DENND5B: variants seen among roughly 807,000 people sequenced by gnomAD.
DENND5B encodes DENN domain containing 5B, also known as DENN domain-containing protein 5B.
In DENND5B, 34 loss-of-function variants were observed where a neutral mutation model predicts 140.6. The observed-to-expected ratio is 0.24, with a 90% CI of 0.18 to 0.32. The LOEUF (loss-of-function observed/expected upper bound fraction) is 0.32, where lower values mean the gene tolerates loss of function less well. Among genes scored for constraint, DENND5B ranks in the 10% least tolerant of loss-of-function variants. The pLI is 1.00. For synonymous variants in DENND5B, 551 were observed against 562.1 expected (o/e 0.98, Z 0.28); for missense variants, 1,142 against 1,560.2 (o/e 0.73, Z 4.52).
intron 5 of DENND5B, among the ~76,000 whole-genome samples, chr12:31,448,786 G>A (rs1944384906): frequency 6.6e-6 from 1 of 152,156 alleles, no homozygotes; most frequent in Non-Finnish European, 1.5e-5. Context: ...TGAAGCCGGA[G>A]GATCCTGTGA....
Position 31,480,208 on chromosome 12 carries a change from T to G in DENND5B, c.285A>C (p.Lys95Asn). 6.3e-7 allele frequency: 1 copy of G among 1,599,986 alleles called. No homozygotes were observed. The highest frequency in any genetic ancestry group is 2.2e-5 in the East Asian group (1 of 44,608). Residue 95 changes from lysine to asparagine, a missense_variant, in exon 3 of 21, where the codon AAA becomes AAC. By Grantham distance (94) the Lys-to-Asn change is moderately conservative (BLOSUM62 0). Around this residue, in one of 5 missense-constraint regions of DENND5B, gnomAD observed 708 missense variants for 905.5 expected, o/e 0.78. Coordinates refer to ENST00000389082, the MANE Select transcript of DENND5B (RefSeq NM_144973.4). ...GLSFRTQTDN[K>N]DPQFHSFIIT... ...TTATAAATGAGTGAAACTGGGGGTC[T>G]TTATTGTCCGTTTGTGTCCTGAAAG... is the stretch of plus-strand genomic sequence containing the variant.
intron 17 of DENND5B, among the ~76,000 whole-genome samples, chr12:31,393,242 G>C (rs1941246614): frequency 6.6e-6 from 1 of 152,174 alleles, no homozygotes; most frequent in African/African-American, 2.4e-5. Context: ...CCTGTCAGTG[G>C]GCATAGATTA....
At chr12:31,587,862 T>A (rs1256684846) in intron 1 of DENND5B, among the ~76,000 whole-genome samples, 2 of 152,190 alleles carry the variant, frequency 1.3e-5, no homozygotes, top group Admixed American at 6.5e-5. Flanking sequence ...CCTCAAATAC[T>A]GAAAGAGCTC....
At chr12:31,401,252 A>G (rs1941780247) in intron 15 of DENND5B, among the ~76,000 whole-genome samples, 1 of 152,212 alleles carries the variant, frequency 6.6e-6, no homozygotes, top group Non-Finnish European at 1.5e-5. Context: ...GCAGAGATGG[A>G]AAGAAGTAGG....
At position 31,550,108 on chromosome 12, in the gene DENND5B, C is replaced by T. The variant is rs563693903; in HGVS notation, c.127+40598G>A. Among the ~76,000 whole-genome samples the T allele has an allele frequency of 2.2e-3, 337 of 151,294 alleles. 2 individuals are homozygous for T. Among genetic ancestry groups the T allele is most frequent in the Admixed American group, 3.8e-3 (57 of 15,150 alleles). ...CTTTAAGTTTTAGGGTACATGTGCA[C>T]AATGTGCAAGTTTCTTACATATGTA... is the stretch of plus-strand genomic sequence containing the variant. On this transcript the variant is annotated intron_variant, in intron 1 of 20. Transcript: ENST00000389082.
chr12:31,526,272 ATTT>A, intron 1 of DENND5B, among the ~76,000 whole-genome samples: 1 of 152,260 alleles, frequency 6.6e-6, no homozygotes, highest in Non-Finnish European at 1.5e-5. Context: ...AAATATTTAC[ATTT>A]ACCCATTAAA....
At chr12:31,510,506 C>A (rs528609152) in intron 1 of DENND5B, among the ~76,000 whole-genome samples, 33 of 152,106 alleles carry the variant, frequency 2.2e-4, no homozygotes, top group Non-Finnish European at 1.5e-5. Flanking sequence ...AAGCACACTG[C>A]GGTTATTGCT....
intron 1 of DENND5B, among the ~76,000 whole-genome samples, chr12:31,562,830 C>T (rs1294002840): frequency 1.3e-5 from 2 of 152,086 alleles, no homozygotes; most frequent in East Asian, 3.8e-4. Flanking sequence ...CTAATTCTGT[C>T]CAACTCATTT....
In DENND5B at chr12:31,460,063, T is replaced by C. The variant is rs76191714; in HGVS notation, c.1092+131A>G. 20 of 865,236 alleles carry C rather than the reference T, an allele frequency of 2.3e-5. No homozygotes were observed. In the South Asian group the frequency reaches 3.6e-4, roughly 16 times the overall value. 53.6% of individuals were successfully genotyped at this position (865,236 alleles called of 1,614,324 possible). A position where few individuals can be genotyped will look rare whatever the true frequency, so the allele number is the denominator to read the frequency against. The stretch of plus-strand genomic sequence containing the variant: ...GCATTCTATAGCTCAGGCTCTCCCC[T>C]AGCCATACTTGGAGATTTAGGAGAG... On this transcript the variant is annotated intron_variant, in intron 4 of 20. Coordinates refer to ENST00000389082, the MANE Select transcript of DENND5B (RefSeq NM_144973.4).
At chr12:31,566,338 CTGTGTGTGTGTGTG>C (rs6144677) in intron 1 of DENND5B, among the ~76,000 whole-genome samples, 5 of 148,488 alleles carry the variant, frequency 3.4e-5, no homozygotes, top group Non-Finnish European at 6.0e-5. Flanking sequence ...CTCTTAAAAA[CTGTGTGTGTGTGTG>C]TGTGTGTGTG....
rs971489775 is a variant in DENND5B at position 31,554,020 on chromosome 12, T to A, written c.127+36686A>T. On this transcript the variant is annotated intron_variant, in intron 1 of 20. Coordinates refer to ENST00000389082, the MANE Select transcript of DENND5B (RefSeq NM_144973.4). The stretch of plus-strand genomic sequence containing the variant: ...GATGGGTCTTGACTCTTTATCCAAT[T>A]TGCCAGTCTGTGTCTTTTAATTGGA... Among the ~76,000 whole-genome samples the A allele has an allele frequency of 1.4e-3, 214 of 152,318 alleles. 3 individuals are homozygous for A. The highest frequency in any genetic ancestry group is 5.0e-3 in the African/African-American group (207 of 41,578).
chr12:31,440,231 A>AGGTT (rs999722636), intron 7 of DENND5B, among the ~76,000 whole-genome samples: 3 of 151,934 alleles, frequency 2.0e-5, no homozygotes, highest in African/African-American at 7.3e-5. Context: ...CCTATGCTGG[A>AGGTT]GGTTATTCAC....
At chr12:31,388,516 G>C (rs1940961986) in intron 20 of DENND5B, among the ~76,000 whole-genome samples, 1 of 152,066 alleles carries the variant, frequency 6.6e-6, no homozygotes, top group Admixed American at 6.6e-5. Flanking sequence ...GATCAAACCT[G>C]ACATTAGTAA....
Position 31,581,880 on chromosome 12 carries a change from G to A in DENND5B, c.127+8826C>T, listed in dbSNP as rs11051471. ...ATGCTCAAGCCCCTTACATAAAATC[G>A]TGTAGTACGTACAGATAACATACGC... On this transcript the variant is annotated intron_variant, in intron 1 of 20. Transcript: ENST00000389082. Among the ~76,000 whole-genome samples, 577 of 152,110 alleles carry A rather than the reference G, an allele frequency of 3.8e-3. 5 individuals carry two copies. The highest frequency in any genetic ancestry group is 0.013 in the African/African-American group (539 of 41,480).
intron 2 of DENND5B, among the ~76,000 whole-genome samples, chr12:31,494,181 TATCCATCCATCC>T (rs140870680): frequency 4.2e-4 from 36 of 85,778 alleles, no homozygotes; most frequent in East Asian, 8.5e-4. Flanking sequence ...TCTATCTATC[TATCCATCCATCC>T]ATCCATCCAC....
intron 1 of DENND5B, chr12:31,499,781 C>T (rs1051548323): frequency 2.7e-6 from 2 of 752,018 alleles, no homozygotes; most frequent in Non-Finnish European, 3.8e-6. Flanking sequence ...AAAGCAATCA[C>T]ACAGGAGACA....
intron 8 of DENND5B, among the ~76,000 whole-genome samples, chr12:31,430,382 G>T (rs1251780023): frequency 2.0e-5 from 3 of 150,522 alleles, no homozygotes; most frequent in Non-Finnish European, 4.4e-5. Flanking sequence ...GGCTGGTCAA[G>T]GTTGCTCACA....
At chr12:31,459,453 C>G (rs1000335067) in intron 4 of DENND5B, among the ~76,000 whole-genome samples, 1 of 152,046 alleles carries the variant, frequency 6.6e-6, no homozygotes, top group Non-Finnish European at 1.5e-5. Context: ...CCATGCCTGG[C>G]TAATTTTTGG....
intron 1 of DENND5B, among the ~76,000 whole-genome samples, chr12:31,507,194 T>C (rs1947236786): frequency 6.6e-6 from 1 of 152,046 alleles, no homozygotes; most frequent in Non-Finnish European, 1.5e-5. Context: ...TTTTTTTTTT[T>C]AGAGACAGGC....
Sources: allele counts gnomAD v4.1 joint callset (sites outside exome capture counted in the v4.1 genomes callset), GRCh38; gene constraint gnomAD v4.1.1; regional missense constraint gnomAD v4.1.1; transcripts MANE v1.5; gene names NCBI Gene and HGNC (gene_info 2026-07-23, HGNC 2026-07-21).